The following NRXN3 variants were observed in gnomAD, a reference collection of about 807,000 sequenced individuals.
The protein encoded by NRXN3 is neurexin III.
In NRXN3, 32 loss-of-function variants were observed where a neutral mutation model predicts 137.6. The observed-to-expected ratio is 0.23, with a 90% CI of 0.18 to 0.31. The LOEUF is 0.31. Ranked by LOEUF, NRXN3 falls within the 10% of genes least tolerant of loss-of-function variation. NRXN3 has a pLI of 1.00. For synonymous variants in NRXN3, 798 were observed against 784.5 expected (o/e 1.02, Z -0.29); for missense variants, 1,574 against 2,062.5 (o/e 0.76, Z 4.59).
In NRXN3 at chr14:79,331,400, C is replaced by T. The variant is rs1384616054; in HGVS notation, c.3263-135821C>T. On this transcript the variant is annotated intron_variant, in intron 15 of 20. Transcript: ENST00000335750. ...AGTTCCACTGCTTGACTGTAATTCA[C>T]CTATAAACCCAGAAAAATACTGCTG... Among the ~76,000 whole-genome samples, 4 of 152,268 alleles carry T rather than the reference C, an allele frequency of 2.6e-5. No individual in the cohort carries two copies. The South Asian group carries it at 6.2e-4, about 24-fold the overall frequency.
At chr14:78,539,417 A>G (rs1278131485) in intron 4 of NRXN3, among the ~76,000 whole-genome samples, 2 of 152,138 alleles carry the variant, frequency 1.3e-5, no homozygotes, top group African/African-American at 4.8e-5. Flanking sequence ...TGTTTATAGT[A>G]TTCTCTGATG....
chr14:78,434,095 T>A (rs1016383688), intron 4 of NRXN3, among the ~76,000 whole-genome samples: 3 of 152,200 alleles, frequency 2.0e-5, no homozygotes, highest in Non-Finnish European at 4.4e-5. Context: ...TGTTTTACAG[T>A]AAAATGTTGA....
intron 4 of NRXN3, among the ~76,000 whole-genome samples, chr14:78,480,498 C>T (rs2095454765): frequency 6.6e-6 from 1 of 152,192 alleles, no homozygotes; most frequent in Admixed American, 6.5e-5. Flanking sequence ...ACAATGGGTC[C>T]AGGAATCTCA....
chr14:78,870,694 C>A (rs2099099253), intron 10 of NRXN3, among the ~76,000 whole-genome samples: 1 of 151,972 alleles, frequency 6.6e-6, no homozygotes, highest in Non-Finnish European at 1.5e-5. Flanking sequence ...CCCCCACTAC[C>A]CATCCCAGTC....
At chr14:78,183,281 C>A (rs1257815093) in intron 1 of NRXN3, among the ~76,000 whole-genome samples, 1 of 152,134 alleles carries the variant, frequency 6.6e-6, no homozygotes, top group East Asian at 1.9e-4. Flanking sequence ...TCTCCTCTTC[C>A]CTTTCATCCC....
At chr14:78,513,092 A>G (rs906306814) in intron 4 of NRXN3, among the ~76,000 whole-genome samples, 4 of 152,274 alleles carry the variant, frequency 2.6e-5, no homozygotes, top group Middle Eastern at 3.4e-3. Flanking sequence ...GAAATCTCAG[A>G]GGCTATGAAT....
chr14:79,364,554 A>G (rs765469659), intron 15 of NRXN3, among the ~76,000 whole-genome samples: 2 of 152,210 alleles, frequency 1.3e-5, no homozygotes, highest in African/African-American at 2.4e-5. Flanking sequence ...TGTAGGAAAT[A>G]AAAGGCAATA....
chr14:78,360,517 T>C (rs893679843), intron 4 of NRXN3, among the ~76,000 whole-genome samples: 56 of 152,174 alleles, frequency 3.7e-4, no homozygotes, highest in Non-Finnish European at 7.4e-5. Flanking sequence ...TCTGCCTAAA[T>C]TGGAATTCCA....
chr14:78,297,805 C>T (rs1403495441), intron 3 of NRXN3, 26 bp from the exon 4 acceptor site: 2 of 1,501,960 alleles, frequency 1.3e-6, no homozygotes, highest in Non-Finnish European at 1.8e-6. Flanking sequence ...ACTCCTCTTC[C>T]CTTTCTCCCT....
intron 11 of NRXN3, among the ~76,000 whole-genome samples, chr14:78,964,321 A>G (rs971395922): frequency 2.0e-5 from 3 of 152,232 alleles, no homozygotes; most frequent in Non-Finnish European, 2.9e-5. Flanking sequence ...TCAGAATTAG[A>G]CAGAACTGCC....
chr14:79,601,373 C>A (rs752610802), intron 16 of NRXN3, among the ~76,000 whole-genome samples: 5 of 152,076 alleles, frequency 3.3e-5, no homozygotes, highest in African/African-American at 4.8e-5. Flanking sequence ...GTCCAAGAAT[C>A]TCCAAGCTAT....
chr14:79,147,423 G>A (rs1388882794), intron 15 of NRXN3, among the ~76,000 whole-genome samples: 1 of 151,962 alleles, frequency 6.6e-6, no homozygotes, highest in African/African-American at 2.4e-5. Flanking sequence ...CTTGTAGATC[G>A]CAGGGATGGA....
intron 15 of NRXN3, among the ~76,000 whole-genome samples, chr14:79,046,704 A>G (rs1041568147): frequency 2.0e-5 from 3 of 152,310 alleles, no homozygotes; most frequent in Admixed American, 6.5e-5. Context: ...CTAAGGTTAA[A>G]TATCCTCCTC....
intron 9 of NRXN3, among the ~76,000 whole-genome samples, chr14:78,808,222 G>A (rs570994280): frequency 1.3e-5 from 2 of 152,252 alleles, no homozygotes; most frequent in African/African-American, 2.4e-5. Context: ...TCTTGAAAGC[G>A]CCAAGCTCTT....
At chr14:79,155,966 C>T (rs1202987844) in intron 15 of NRXN3, among the ~76,000 whole-genome samples, 1 of 151,698 alleles carries the variant, frequency 6.6e-6, no homozygotes, top group Non-Finnish European at 1.5e-5. Context: ...ACAATATAAC[C>T]TAAATTTCTG....
chr14:79,263,079 A>G (rs2077883976), intron 15 of NRXN3, among the ~76,000 whole-genome samples: 1 of 152,118 alleles, frequency 6.6e-6, no homozygotes, highest in African/African-American at 2.4e-5. Flanking sequence ...GGCACTCACT[A>G]CCTCTTGGCC....
chr14:78,380,790 G>GT (rs55664650), intron 4 of NRXN3, among the ~76,000 whole-genome samples: 63 of 145,606 alleles, frequency 4.3e-4, no homozygotes, highest in African/African-American at 1.1e-3. Context: ...ATCTTATCAA[G>GT]TTTTTTTTTT....
chr14:78,282,165 G>A (rs2074498583), intron 3 of NRXN3: 2 of 498,950 alleles, frequency 4.0e-6, no homozygotes, highest in Non-Finnish European at 8.0e-6. Context: ...CTTATCCCAT[G>A]CTTTTGTACA....
chr14:79,069,638 A>G (rs1435283424), intron 15 of NRXN3, among the ~76,000 whole-genome samples: 6 of 151,678 alleles, frequency 4.0e-5, no homozygotes, highest in Admixed American at 3.9e-4. Flanking sequence ...ATTTTTATGT[A>G]TTTATTCTGT....
Sources: allele counts gnomAD v4.1 joint callset (sites outside exome capture counted in the v4.1 genomes callset), GRCh38; gene constraint gnomAD v4.1.1; transcripts MANE v1.5; gene names NCBI Gene and HGNC (gene_info 2026-07-23, HGNC 2026-07-21).